Variants in TBC1D8 observed in about 807,000 individuals in gnomAD.
TBC1D8 encodes TBC1 domain family member 8.
A neutral mutation model predicts 118.8 loss-of-function variants in TBC1D8; 65 were observed. The observed-to-expected ratio is 0.55, with a 90% confidence interval of 0.45 to 0.67. The LOEUF (loss-of-function observed/expected upper bound fraction) is 0.67, where lower values mean the gene tolerates loss of function less well. Ranked by LOEUF, TBC1D8 falls within the 30% of genes least tolerant of loss-of-function variation. The pLI, the probability that TBC1D8 is intolerant of heterozygous loss-of-function variation, is 0.00. For missense variants in TBC1D8, 1,376 were observed against 1,471.2 expected, an observed-to-expected ratio of 0.94 and a Z score of 1.06; for synonymous variants, 566 against 595.8, an observed-to-expected ratio of 0.95 and a Z score of 0.73.
At chr2:101,019,274 C>A in intron 17 of TBC1D8, 1 of 414,266 alleles carries the variant, frequency 2.4e-6, no homozygotes, top group Non-Finnish European at 4.3e-6. Context: ...TCTTTAGGCA[C>A]ACAAATTCAC....
Position 101,056,960 on chromosome 2 carries a change from T to A in TBC1D8, c.402+2461A>T, listed in dbSNP as rs546772884. ...TTGGCCAGAGGAAAGGGAGATCAAA[T>A]GTCATGCTGTGCTCCCAGGCTCAGG... On this transcript the variant is annotated intron_variant, in intron 3 of 19. Transcript: ENST00000409318. 1.9e-4 allele frequency among the ~76,000 whole-genome samples: 29 copies of A among 152,314 alleles called. No homozygotes were observed. In the East Asian group the frequency reaches 4.6e-3, roughly 24 times the overall value.
chr2:101,034,009 CA>C (rs1680842678), intron 9 of TBC1D8, among the ~76,000 whole-genome samples: 1 of 152,164 alleles, frequency 6.6e-6, no homozygotes, highest in African/African-American at 2.4e-5. Context: ...ACTAAAAATA[CA>C]AAAATTAGCC....
intron 1 of TBC1D8, among the ~76,000 whole-genome samples, chr2:101,125,596 C>A (rs1051632197): frequency 6.6e-6 from 1 of 152,152 alleles, no homozygotes; most frequent in Non-Finnish European, 1.5e-5. Context: ...AGCCACAAAC[C>A]ACAAGCATTC....
At chr2:101,108,207 A>G (rs1677349538) in intron 1 of TBC1D8, among the ~76,000 whole-genome samples, 1 of 152,158 alleles carries the variant, frequency 6.6e-6, no homozygotes, top group Non-Finnish European at 1.5e-5. Context: ...TAAGAAAAGC[A>G]TCGGATAAAT....
intron 3 of TBC1D8, 23 bp from the exon 4 acceptor site, chr2:101,054,359 C>T: frequency 6.4e-7 from 1 of 1,550,580 alleles, no homozygotes; most frequent in Middle Eastern, 1.7e-4. Flanking sequence ...GATGACAGTC[C>T]CTGCTCAGTG....
At chr2:101,137,119 G>A (rs1422695585) in intron 1 of TBC1D8, among the ~76,000 whole-genome samples, 3 of 142,228 alleles carry the variant, frequency 2.1e-5, no homozygotes, top group Admixed American at 1.6e-4. Context: ...CACAACCTCC[G>A]CCTCCCAGGT....
At position 101,145,600 on chromosome 2, in the gene TBC1D8, G is replaced by C. The variant is rs375586505; in HGVS notation, c.127+5527C>G. 1.6e-4 allele frequency among the ~76,000 whole-genome samples: 24 copies of C among 152,200 alleles called. No individual in the cohort carries two copies. In the East Asian group the frequency reaches 2.3e-3, roughly 15 times the overall value. On this transcript the variant is annotated intron_variant, in intron 1 of 19. Transcript: ENST00000409318. ...TCATCAGTTTCCAACCTTCTGATAA[G>C]AGTCCTTCTGAGCAAGCCTTGTAAC...
At chr2:101,150,803 C>G (rs1221926222) in intron 1 of TBC1D8, among the ~76,000 whole-genome samples, 1 of 152,178 alleles carries the variant, frequency 6.6e-6, no homozygotes, top group East Asian at 1.9e-4. Context: ...AGGGCGGCCC[C>G]GAGCCCTCCG....
intron 19 of TBC1D8, among the ~76,000 whole-genome samples, chr2:101,008,552 C>T (rs550051527): frequency 1.2e-4 from 19 of 152,250 alleles, no homozygotes; most frequent in Admixed American, 6.5e-4. Context: ...CAGTGGCTCC[C>T]GCCTGTAATC....
chr2:101,063,827 T>G (rs1373677066), intron 2 of TBC1D8, among the ~76,000 whole-genome samples: 1 of 152,086 alleles, frequency 6.6e-6, no homozygotes, highest in East Asian at 1.9e-4. Flanking sequence ...TGTAAAATAT[T>G]TGTTAGAGTT....
chr2:101,055,216 C>A (rs980331155), intron 3 of TBC1D8, among the ~76,000 whole-genome samples: 1 of 151,592 alleles, frequency 6.6e-6, no homozygotes, highest in Non-Finnish European at 1.5e-5. Flanking sequence ...ATGGTGAAAC[C>A]CCATCTCTAC....
intron 1 of TBC1D8, among the ~76,000 whole-genome samples, chr2:101,092,113 A>G (rs1676078146): frequency 6.6e-6 from 1 of 152,250 alleles, no homozygotes; most frequent in South Asian, 2.1e-4. Flanking sequence ...GATCCAGTTC[A>G]GAATCACATT....
At chr2:101,139,720 G>A (rs1211246971) in intron 1 of TBC1D8, among the ~76,000 whole-genome samples, 2 of 152,040 alleles carry the variant, frequency 1.3e-5, no homozygotes, top group Non-Finnish European at 2.9e-5. Flanking sequence ...TGCTCAGACG[G>A]CTCTTTTCCC....
chr2:101,090,317 C>A lies in TBC1D8; in HGVS notation c.175G>T (p.Val59Phe). 6.2e-7 allele frequency: 1 copy of A among 1,614,034 alleles called. No individual in the cohort carries two copies. The highest frequency in any genetic ancestry group is 1.3e-5 in the African/African-American group (1 of 75,062). ...TGAAGCAGAATTCGAAATGGAGCGA[C>A]CCGTGCATTGGAATCCAACACTGCA... ...LDAVLDSNARVAPFRILLQVP... is the reference protein window; with the variant it reads ...LDAVLDSNARFAPFRILLQVP... The change falls in exon 2 of 20, where the codon GTC becomes TTC. Residue 59 changes from valine (V) to phenylalanine (F), a missense_variant. Transcript: ENST00000409318.
At chr2:101,017,067 A>G (rs1452430264) in intron 17 of TBC1D8, among the ~76,000 whole-genome samples, 16 of 140,482 alleles carry the variant, frequency 1.1e-4, no homozygotes, top group African/African-American at 4.0e-4. Flanking sequence ...CTAAAACTTA[A>G]AAGTATTAAA....
intron 1 of TBC1D8, chr2:101,109,685 T>A: frequency 1.8e-6 from 1 of 542,628 alleles, no homozygotes; most frequent in Non-Finnish European, 2.4e-6. Flanking sequence ...TTTCCGCAGA[T>A]GGGATGAAGC....
chr2:101,112,622 C>T lies in TBC1D8; in HGVS notation c.128-22258G>A, dbSNP rs573627468. Among the ~76,000 whole-genome samples the T allele has an allele frequency of 5.3e-4, 81 of 152,290 alleles. No individual in the cohort carries two copies. The South Asian group carries it at 0.015, about 27-fold the overall frequency. ...GGACTATCCACAGCTCTTCCCTGGA[C>T]GTTGAGGTGCCATTCTCAGTCTCCC... is the stretch of plus-strand genomic sequence containing the variant. On this transcript the variant is annotated intron_variant, in intron 1 of 19. Coordinates refer to ENST00000409318, the MANE Select transcript of TBC1D8 (RefSeq NM_001330348.2).
At chr2:101,080,680 A>T (rs1675203461) in intron 2 of TBC1D8, among the ~76,000 whole-genome samples, 1 of 152,136 alleles carries the variant, frequency 6.6e-6, no homozygotes, top group South Asian at 2.1e-4. Flanking sequence ...GCCTCTCCAG[A>T]GCCAAAGCAT....
At chr2:101,090,504 C>T (rs1675965882) in intron 1 of TBC1D8, 140 bp from the exon 2 acceptor site, 1 of 908,520 alleles carries the variant, frequency 1.1e-6, no homozygotes, top group Non-Finnish European at 1.6e-6. Flanking sequence ...CAACTCACCT[C>T]ACAAAGCCTG....
Sources: allele counts gnomAD v4.1 joint callset (sites outside exome capture counted in the v4.1 genomes callset), GRCh38; gene constraint gnomAD v4.1.1; transcripts MANE v1.5; gene names NCBI Gene and HGNC (gene_info 2026-07-23, HGNC 2026-07-21).